The following SUGCT variants were observed in gnomAD, a reference collection of about 807,000 sequenced individuals.
The protein encoded by SUGCT is succinyl-CoA:glutarate CoA-transferase.
SUGCT carries 41 observed loss-of-function variants against 55.0 expected under a neutral mutation model. The observed-to-expected ratio is 0.74, with a 90% CI of 0.58 to 0.97. SUGCT has a LOEUF of 0.97. Among genes scored for constraint, SUGCT ranks in the 50% least tolerant of loss-of-function variants. The pLI is 0.00. For synonymous variants in SUGCT, 187 were observed against 200.4 expected (o/e 0.93, Z 0.56); for missense variants, 568 against 547.8 (o/e 1.04, Z -0.37).
At chr7:40,994,347 AT>A in the SUGCT span, among the ~76,000 whole-genome samples, 2 of 152,324 alleles carry the variant, frequency 1.3e-5, no homozygotes, top group South Asian at 4.1e-4. Context: ...AATCTAATGT[AT>A]GGATGGAAAA....
At position 40,486,674 on chromosome 7, in the gene SUGCT, T is replaced by C. The variant is rs1226195506; in HGVS notation, c.987-9610T>C. Among the ~76,000 whole-genome samples the C allele has an allele frequency of 2.0e-5, 3 of 151,930 alleles. No homozygotes were observed. In the East Asian group the frequency reaches 5.8e-4, roughly 29 times the overall value. ...GGTTTTGGTATGTTGTGTATCCATTTATATTCACGTCAAGAAATTTTATAA... is the reference window on the plus strand; with the variant it reads ...GGTTTTGGTATGTTGTGTATCCATTCATATTCACGTCAAGAAATTTTATAA... On this transcript the variant is annotated intron_variant, in intron 11 of 13. Transcript: ENST00000335693.
chr7:40,425,486 C>T (rs1018074465), intron 9 of SUGCT, among the ~76,000 whole-genome samples: 2 of 152,060 alleles, frequency 1.3e-5, no homozygotes, highest in African/African-American at 2.4e-5. Context: ...AAGTTAGTGT[C>T]GGAATCCTGA....
chr7:40,696,104 A>G (rs542074874), intron 12 of SUGCT, among the ~76,000 whole-genome samples: 1 of 152,300 alleles, frequency 6.6e-6, no homozygotes, highest in South Asian at 2.1e-4. Flanking sequence ...TCTGCCATGT[A>G]TACTGTGTGT....
intron 11 of SUGCT, among the ~76,000 whole-genome samples, chr7:40,486,515 G>C (rs1289695526): frequency 6.6e-6 from 1 of 151,522 alleles, no homozygotes; most frequent in African/African-American, 2.4e-5. Context: ...ATAATTTTGG[G>C]GTTGGTCTGT....
the SUGCT span, among the ~76,000 whole-genome samples, chr7:40,898,483 G>GC: frequency 9.2e-6 from 1 of 108,274 alleles, no homozygotes; most frequent in Non-Finnish European, 2.0e-5. Flanking sequence ...GGGAGGTCGG[G>GC]GGGGGGGGGG....
At chr7:40,220,837 C>T (rs898945550) in intron 6 of SUGCT, among the ~76,000 whole-genome samples, 2 of 152,146 alleles carry the variant, frequency 1.3e-5, no homozygotes, top group Non-Finnish European at 2.9e-5. Context: ...ACATAATCTT[C>T]CTTGTTTGGA....
chr7:40,487,764 C>A (rs1378555482), intron 11 of SUGCT, among the ~76,000 whole-genome samples: 1 of 151,684 alleles, frequency 6.6e-6, no homozygotes, highest in Non-Finnish European at 1.5e-5. Context: ...ATATAAGGTC[C>A]TTCTCTATTG....
At chr7:40,984,609 GAT>G in the SUGCT span, among the ~76,000 whole-genome samples, 1 of 152,138 alleles carries the variant, frequency 6.6e-6, no homozygotes, top group Non-Finnish European at 1.5e-5. Context: ...AGTAATGAAA[GAT>G]ATTAACAACA....
chr7:40,146,510 G>A (rs908979649), intron 1 of SUGCT, among the ~76,000 whole-genome samples: 2 of 152,206 alleles, frequency 1.3e-5, no homozygotes, highest in East Asian at 1.9e-4. Flanking sequence ...CAAGTCAGTC[G>A]TAAGATTTAC....
intron 9 of SUGCT, among the ~76,000 whole-genome samples, chr7:40,386,783 G>A (rs78183396): frequency 0.016 from 2,508 of 152,266 alleles, 50 homozygotes; most frequent in African/African-American, 0.051. Flanking sequence ...AGCCTCGTGT[G>A]GCCACCTTGC....
At chr7:41,013,141 T>C in the SUGCT span, among the ~76,000 whole-genome samples, 1 of 152,152 alleles carries the variant, frequency 6.6e-6, no homozygotes, top group African/African-American at 2.4e-5. Flanking sequence ...GCTGTGCTGG[T>C]TCAGAACAAT....
chr7:40,945,719 G>T, the SUGCT span, among the ~76,000 whole-genome samples: 1 of 152,072 alleles, frequency 6.6e-6, no homozygotes. Flanking sequence ...GTTCCCATGG[G>T]GTGCTCCCTT....
At chr7:40,665,423 C>T (rs141591904) in intron 12 of SUGCT, among the ~76,000 whole-genome samples, 6 of 143,746 alleles carry the variant, frequency 4.2e-5, no homozygotes, top group Non-Finnish European at 9.1e-5. Context: ...AAGTGAAACT[C>T]TATCTCAAAA....
At chr7:40,925,442 A>G in the SUGCT span, among the ~76,000 whole-genome samples, 1 of 152,324 alleles carries the variant, frequency 6.6e-6, no homozygotes, top group East Asian at 1.9e-4. Flanking sequence ...GTCCACATGT[A>G]TATCATCTTC....
At chr7:40,350,898 T>C (rs1041048876) in intron 9 of SUGCT, among the ~76,000 whole-genome samples, 5 of 151,980 alleles carry the variant, frequency 3.3e-5, no homozygotes, top group Non-Finnish European at 2.9e-5. Flanking sequence ...TTTGTTTTTC[T>C]GTTCTTGTGT....
chr7:40,826,088 C>T (rs923629883), intron 13 of SUGCT, among the ~76,000 whole-genome samples: 3 of 152,194 alleles, frequency 2.0e-5, no homozygotes, highest in Non-Finnish European at 4.4e-5. Context: ...TTTAAATCCT[C>T]ATATTGCACG....
chr7:40,359,147 A>T (rs1160695907), intron 9 of SUGCT, among the ~76,000 whole-genome samples: 3 of 152,022 alleles, frequency 2.0e-5, no homozygotes, highest in African/African-American at 4.8e-5. Context: ...ATGTTCTGTC[A>T]TGTATGTATG....
intron 12 of SUGCT, among the ~76,000 whole-genome samples, chr7:40,581,263 T>C (rs1797074278): frequency 6.6e-6 from 1 of 152,198 alleles, no homozygotes; most frequent in African/African-American, 2.4e-5. Context: ...ATTGCAGGTA[T>C]GGTTATACAA....
Position 40,851,735 on chromosome 7 carries a change from T to G in SUGCT, c.1154-8581T>G, listed in dbSNP as rs532832227. Among the ~76,000 whole-genome samples the G allele has an allele frequency of 9.2e-5, 14 of 152,334 alleles. 1 individual carries two copies. In the South Asian group the frequency reaches 2.9e-3, roughly 32 times the overall value. On this transcript the variant is annotated intron_variant, in intron 13 of 13. Transcript: ENST00000335693. ...TTTATACCCATGAAGTCCATAGATATTTGTCTGTTGAAGGACAAGAATATG... is the reference window on the plus strand; with the variant it reads ...TTTATACCCATGAAGTCCATAGATAGTTGTCTGTTGAAGGACAAGAATATG...
Sources: allele counts gnomAD v4.1 joint callset (sites outside exome capture counted in the v4.1 genomes callset), GRCh38; gene constraint gnomAD v4.1.1; transcripts MANE v1.5; gene names NCBI Gene and HGNC (gene_info 2026-07-23, HGNC 2026-07-21).